Variants in MGST2 observed in about 807,000 individuals in gnomAD.
MGST2 encodes microsomal glutathione S-transferase 2.
MGST2 carries 9 observed loss-of-function variants against 16.6 expected under a neutral mutation model. The ratio of observed to expected loss-of-function variants is 0.54; its 90% confidence interval spans 0.33 to 0.95. MGST2 has a LOEUF of 0.95. Among genes scored for constraint, MGST2 ranks in the 40% least tolerant of loss-of-function variants. MGST2 has a pLI of 0.03. For missense variants in MGST2, 159 were observed against 175.1 expected (o/e 0.91, Z 0.52); for synonymous variants, 79 against 68.0 (o/e 1.16, Z -0.79).
Position 139,698,449 on chromosome 4 carries a change from C to A in MGST2, c.229+3182C>A, listed in dbSNP as rs188438411. The A allele has an allele frequency of 1.6e-5, 19 of 1,167,408 alleles. No individual in the cohort carries two copies. The East Asian group carries it at 4.0e-4, about 24-fold the overall frequency. 72.3% of individuals were successfully genotyped at this position (1,167,408 alleles called of 1,614,324 possible). A position where few individuals can be genotyped will look rare whatever the true frequency, so the allele number is the denominator to read the frequency against. On this transcript the variant is annotated intron_variant, in intron 3 of 4. Transcript: ENST00000265498. ...GGCCTGTAACGATGAGGTTTCTTCA[C>A]CCCTCCAGTAGAGGGCGCACTCTTG...
chr4:139,713,378 A>G (rs1186230598), intron 5 of MGST2, among the ~76,000 whole-genome samples: 3 of 151,336 alleles, frequency 2.0e-5, no homozygotes, highest in Non-Finnish European at 2.9e-5. Flanking sequence ...GTTTTTCCCA[A>G]TGAGTCTGTG....
intron 1 of MGST2, among the ~76,000 whole-genome samples, chr4:139,671,657 T>C (rs1441806627): frequency 6.6e-6 from 1 of 151,916 alleles, no homozygotes; most frequent in Admixed American, 6.6e-5. Flanking sequence ...TTTTTGTTTT[T>C]TTGAGAGGGA....
chr4:139,710,491 A>G (rs566781215), intron 5 of MGST2, among the ~76,000 whole-genome samples: 4 of 152,246 alleles, frequency 2.6e-5, no homozygotes, highest in African/African-American at 9.6e-5. Flanking sequence ...GGAGTAATCA[A>G]CACTTCTCAG....
intron 3 of MGST2, among the ~76,000 whole-genome samples, chr4:139,702,867 T>TTTTTTTTTTTTTTTTTTTTTTTTTTC (rs767366469): frequency 3.8e-5 from 5 of 132,452 alleles, no homozygotes; most frequent in African/African-American, 1.1e-4. Flanking sequence ...TTTTTTTTTT[T>TTTTTTTTTTTTTTTTTTTTTTTTTTC]TTTACAATTT....
chr4:139,706,640 GT>G (rs1351920244), downstream of MGST2, among the ~76,000 whole-genome samples: 3 of 152,038 alleles, frequency 2.0e-5, no homozygotes, highest in Non-Finnish European at 2.9e-5. Flanking sequence ...AGCAATTTCT[GT>G]TTTGCACTTA....
downstream of MGST2, among the ~76,000 whole-genome samples, chr4:139,705,966 A>G (rs1000916000): frequency 9.2e-5 from 14 of 152,244 alleles, no homozygotes; most frequent in African/African-American, 3.4e-4. Context: ...ATGAGCATAC[A>G]TAACACATTT....
At chr4:139,670,845 T>G (rs1730649048) in intron 1 of MGST2, among the ~76,000 whole-genome samples, 1 of 150,412 alleles carries the variant, frequency 6.6e-6, no homozygotes, top group Non-Finnish European at 1.5e-5. Context: ...GTCCATGGGT[T>G]GCAGTGAGCC....
chr4:139,666,155 A>AG, intron 1 of MGST2, 78 bp downstream of exon 1: 1 of 1,409,394 alleles, frequency 7.1e-7, no homozygotes, highest in Non-Finnish European at 1.0e-6. Context: ...CGGGAGAGAG[A>AG]GGGAGGGAGG....
At position 139,665,954 on chromosome 4, in the gene MGST2, C is replaced by T; in HGVS notation, c.-66C>T. The stretch of plus-strand genomic sequence containing the variant: ...ACTTTGTTTACCCGATAAGGAAGGT[C>T]AGCATTCAAAGTCAAGAAGCGCCAT... On this transcript the variant is annotated 5_prime_UTR_variant, in exon 1 of 5. Transcript: ENST00000265498. 1 of 1,519,796 alleles carries T rather than the reference C, an allele frequency of 6.6e-7. No homozygotes were observed. The highest frequency in any genetic ancestry group is 9.1e-7 in the Non-Finnish European group (1 of 1,095,574). The allele number at this position is 1,519,796 out of a possible 1,614,324, so 94.1% of individuals were successfully genotyped here. A position where few individuals can be genotyped will look rare whatever the true frequency, so the allele number is the denominator to read the frequency against.
At chr4:139,700,392 A>G (rs1268878565) in intron 3 of MGST2, among the ~76,000 whole-genome samples, 1 of 151,738 alleles carries the variant, frequency 6.6e-6, no homozygotes, top group Admixed American at 6.6e-5. Context: ...CGGCCTCCCA[A>G]AGTGCTGGGA....
chr4:139,674,997 T>C (rs994608415), intron 1 of MGST2, among the ~76,000 whole-genome samples: 2 of 152,184 alleles, frequency 1.3e-5, no homozygotes, highest in African/African-American at 4.8e-5. Flanking sequence ...AATTCAGTCC[T>C]CAGTTCCCGC....
intron 5 of MGST2, among the ~76,000 whole-genome samples, chr4:139,737,609 C>T (rs1330295584): frequency 6.6e-6 from 1 of 151,988 alleles, no homozygotes; most frequent in Non-Finnish European, 1.5e-5. Context: ...TCTGTGGTAT[C>T]AACTTTGACA....
chr4:139,689,392 C>A (rs547449284), intron 2 of MGST2, among the ~76,000 whole-genome samples: 1 of 152,298 alleles, frequency 6.6e-6, no homozygotes, highest in African/African-American at 2.4e-5. Flanking sequence ...GTGTCCCACT[C>A]AGAGTTACTT....
At chr4:139,730,435 TG>T in intron 5 of MGST2, 1 of 662,050 alleles carries the variant, frequency 1.5e-6, no homozygotes, top group South Asian at 5.1e-5. Context: ...CAAAATCTGC[TG>T]CTGCTGCTGC....
At chr4:139,710,299 C>G (rs1180478811) in intron 5 of MGST2, among the ~76,000 whole-genome samples, 1 of 152,190 alleles carries the variant, frequency 6.6e-6, no homozygotes, top group Non-Finnish European at 1.5e-5. Context: ...TGTCTAGTGA[C>G]TTTCTAGAAA....
intron 1 of MGST2, 61 bp from the exon 2 acceptor site, chr4:139,678,482 C>A: frequency 8.1e-7 from 1 of 1,234,212 alleles, no homozygotes; most frequent in Non-Finnish European, 1.2e-6. Context: ...TTTAAATTTG[C>A]ATTCCACTAA....
chr4:139,736,428 G>A (rs1728948880), intron 5 of MGST2, among the ~76,000 whole-genome samples: 1 of 152,164 alleles, frequency 6.6e-6, no homozygotes, highest in African/African-American at 2.4e-5. Context: ...ACGATGGCTA[G>A]ACAGAGGCGC....
In MGST2 at chr4:139,712,940, TACTC is replaced by T. The variant is rs1322484101; in HGVS notation, c.*48+8747_*48+8750del. On this transcript the variant is annotated intron_variant, in intron 5 of 5. Coordinates refer to the MGST2 transcript ENST00000616265. The stretch of plus-strand genomic sequence containing the variant: ...TAAGTATATTGCCATAAGTTAAGAA[TACTC>T]ACAACTAATTTCCAAATTCTGAAGT... Among the ~76,000 whole-genome samples the T allele has an allele frequency of 3.9e-5, 6 of 152,258 alleles. No individual in the cohort carries two copies. In the East Asian group the frequency reaches 5.8e-4, roughly 15 times the overall value.
intron 2 of MGST2, among the ~76,000 whole-genome samples, chr4:139,690,945 C>T (rs1579313908): frequency 6.6e-6 from 1 of 152,150 alleles, no homozygotes. Context: ...TTTAACTACT[C>T]AATCTCCACA....
Sources: gnomAD v4.1 joint callset for allele counts (sites outside exome capture counted in the v4.1 genomes callset) on GRCh38, gnomAD v4.1.1 for gene constraint, MANE v1.5 for transcripts, NCBI Gene and HGNC (gene_info 2026-07-23, HGNC 2026-07-21) for gene names.